GLI3: variants seen among roughly 807,000 people sequenced by gnomAD.
GLI3 encodes the protein GLI family zinc finger 3, also known as transcription activator GLI3.
GLI3 carries 20 observed loss-of-function variants against 100.8 expected under a neutral mutation model. The ratio of observed to expected loss-of-function variants is 0.20; its 90% CI spans 0.14 to 0.29. The LOEUF is 0.29. Ranked by LOEUF, GLI3 falls within the 10% of genes least tolerant of loss-of-function variation. GLI3 has a pLI of 1.00. For missense variants in GLI3, 2,040 were observed against 2,128.5 expected (o/e 0.96, Z 0.82); for synonymous variants, 938 against 860.5 (o/e 1.09, Z -1.58).
At position 42,251,580 on chromosome 7, in the gene GLI3, AAGG is replaced by A. The variant is rs1186494382; in HGVS notation, c.-43+12411_-43+12413del. ...ACACACACTAGGCTAAGGGAAGGAT[AAGG>A]AGAGCAGAGAGAGAAGAAAGAGGGA... On this transcript the variant is annotated intron_variant, in intron 1 of 2. Coordinates refer to the GLI3 transcript ENST00000678978. Among the ~76,000 whole-genome samples, 26 of 152,244 alleles carry A rather than the reference AAGG, an allele frequency of 1.7e-4. No homozygotes were observed. In the East Asian group the frequency reaches 1.9e-3, roughly 11 times the overall value.
At chr7:42,051,976 C>T (rs1470801959) in intron 4 of GLI3, among the ~76,000 whole-genome samples, 1 of 152,166 alleles carries the variant, frequency 6.6e-6, no homozygotes, top group Non-Finnish European at 1.5e-5. Context: ...TCCTCTTTCA[C>T]CAATTCTTCC....
At chr7:42,147,198 G>A (rs1160469951) in intron 3 of GLI3, among the ~76,000 whole-genome samples, 6 of 152,178 alleles carry the variant, frequency 3.9e-5, no homozygotes, top group African/African-American at 7.2e-5. Flanking sequence ...CCCCTTTGCT[G>A]CAAGCCAACT....
intron 1 of GLI3, among the ~76,000 whole-genome samples, chr7:42,255,848 G>T (rs1789080181): frequency 6.6e-6 from 1 of 152,156 alleles, no homozygotes; most frequent in Non-Finnish European, 1.5e-5. Context: ...TTGCAGGGTT[G>T]TATGGTGAGT....
intron 6 of GLI3, among the ~76,000 whole-genome samples, chr7:42,043,115 A>G (rs1784177292): frequency 6.6e-6 from 1 of 152,170 alleles, no homozygotes; most frequent in African/African-American, 2.4e-5. Flanking sequence ...GACCAGATAG[A>G]TCCCAGGTTT....
intron 2 of GLI3, among the ~76,000 whole-genome samples, chr7:42,199,695 C>G (rs1368617989): frequency 6.6e-6 from 1 of 152,186 alleles, no homozygotes; most frequent in African/African-American, 2.4e-5. Flanking sequence ...GAGCCATGTC[C>G]TATCGGATTT....
At chr7:42,192,478 C>T (rs1344913068) in intron 2 of GLI3, among the ~76,000 whole-genome samples, 3 of 152,074 alleles carry the variant, frequency 2.0e-5, no homozygotes, top group African/African-American at 7.2e-5. Flanking sequence ...AGAAAAGATG[C>T]TAAAATTTAA....
intron 3 of GLI3, among the ~76,000 whole-genome samples, chr7:42,123,808 C>T (rs1217343577): frequency 6.6e-6 from 1 of 152,190 alleles, no homozygotes; most frequent in African/African-American, 2.4e-5. Flanking sequence ...AGATTGACAT[C>T]TGACCTTTAA....
intron 2 of GLI3, chr7:42,172,764 C>A: frequency 1.6e-6 from 1 of 619,794 alleles, no homozygotes; most frequent in Non-Finnish European, 2.9e-6. Context: ...CATTACTTGG[C>A]TATTATCACC....
Position 41,964,595 on chromosome 7 carries a change from C to T in GLI3, c.4478G>A (p.Ser1493Asn). 6.2e-7 allele frequency: 1 copy of T among 1,614,162 alleles called. No individual in the cohort carries two copies. The highest frequency in any genetic ancestry group is 8.5e-7 in the Non-Finnish European group (1 of 1,179,968). The part of the protein sequence containing the change: ...GANQVTSTVD[S>N]LDSHDLEGVQ... The stretch of plus-strand genomic sequence containing the variant: ...CCCTTCCAGGTCATGGCTGTCGAGG[C>T]TGTCCACTGTGCTTGTCACCTGATT... Residue 1493 changes from serine to asparagine, a missense_variant, in exon 15 of 15, where the codon AGC becomes AAC. Around this residue, in one of 5 missense-constraint regions of GLI3, gnomAD observed 1,041 missense variants for 924.0 expected, o/e 1.13. Transcript: ENST00000395925.
chr7:42,232,342 G>T (rs1317024273), intron 1 of GLI3, among the ~76,000 whole-genome samples: 3 of 152,160 alleles, frequency 2.0e-5, no homozygotes, highest in African/African-American at 7.2e-5. Context: ...GGTAGGGAGG[G>T]GACTTACCTC....
intron 3 of GLI3, among the ~76,000 whole-genome samples, chr7:42,138,089 A>G (rs889288921): frequency 2.0e-5 from 3 of 152,198 alleles, no homozygotes; most frequent in African/African-American, 7.2e-5. Context: ...CAAGAACCTG[A>G]TTTGTTTTGG....
chr7:42,042,860 C>G (rs992773242), intron 6 of GLI3, among the ~76,000 whole-genome samples: 1 of 152,130 alleles, frequency 6.6e-6, no homozygotes, highest in Non-Finnish European at 1.5e-5. Flanking sequence ...GCCCTCATCT[C>G]TAGAATGTTC....
At chr7:42,005,332 C>T (rs1039927038) in intron 10 of GLI3, among the ~76,000 whole-genome samples, 3 of 151,846 alleles carry the variant, frequency 2.0e-5, no homozygotes, top group African/African-American at 7.3e-5. Flanking sequence ...GGCTCTCTAC[C>T]GTATGTGACT....
chr7:42,086,300 C>T (rs1263262292), intron 3 of GLI3, among the ~76,000 whole-genome samples: 1 of 152,120 alleles, frequency 6.6e-6, no homozygotes, highest in African/African-American at 2.4e-5. Context: ...CAGGGGGAGA[C>T]AGTAGTAGAG....
intron 1 of GLI3, among the ~76,000 whole-genome samples, chr7:42,228,134 T>C (rs901920975): frequency 6.6e-6 from 1 of 151,984 alleles, no homozygotes; most frequent in Non-Finnish European, 1.5e-5. Context: ...CAGCGCTGTC[T>C]GCAGCCGCGT....
chr7:42,192,780 G>A (rs189294550), intron 2 of GLI3, among the ~76,000 whole-genome samples: 2 of 152,350 alleles, frequency 1.3e-5, no homozygotes, highest in Admixed American at 1.3e-4. Context: ...ATACCTTGGG[G>A]TCCACTTCAG....
intron 14 of GLI3, 132 bp downstream of exon 14, chr7:41,967,464 A>C: frequency 1.4e-6 from 1 of 728,976 alleles, no homozygotes; most frequent in Non-Finnish European, 2.4e-6. Context: ...TGAATGGGCT[A>C]AACATTAACG....
At chr7:42,169,572 A>C (rs1787319036) in intron 2 of GLI3, among the ~76,000 whole-genome samples, 1 of 152,194 alleles carries the variant, frequency 6.6e-6, no homozygotes, top group Admixed American at 6.5e-5. Context: ...ACAAGTCTTA[A>C]ATGTATATAC....
chr7:42,205,814 A>G (rs1788138907), intron 2 of GLI3, among the ~76,000 whole-genome samples: 1 of 152,200 alleles, frequency 6.6e-6, no homozygotes, highest in African/African-American at 2.4e-5. Flanking sequence ...TAAATGCAAA[A>G]TGTAAACACC....
Sources: allele counts gnomAD v4.1 joint callset (sites outside exome capture counted in the v4.1 genomes callset), GRCh38; gene constraint gnomAD v4.1.1; regional missense constraint gnomAD v4.1.1; transcripts MANE v1.5; gene names NCBI Gene and HGNC (gene_info 2026-07-23, HGNC 2026-07-21).